Variants in SLC25A30 observed in about 807,000 individuals in gnomAD.
SLC25A30 encodes solute carrier family 25 member 30, also known as kidney mitochondrial carrier protein 1.
SLC25A30 carries 29 observed loss-of-function variants against 42.7 expected under a neutral mutation model. That is an observed-to-expected ratio of 0.68 (90% CI 0.51 to 0.93). The LOEUF (loss-of-function observed/expected upper bound fraction) is 0.93. SLC25A30 is among the 40% of genes least tolerant of loss of function. SLC25A30 has a pLI of 0.00. For missense variants in SLC25A30, 300 were observed against 359.7 expected, an observed-to-expected ratio of 0.83 and a Z score of 1.34; for synonymous variants, 124 against 131.0, an observed-to-expected ratio of 0.95 and a Z score of 0.37.
intron 4 of SLC25A30, among the ~76,000 whole-genome samples, chr13:45,405,047 C>G (rs1882371305): frequency 6.6e-6 from 1 of 152,106 alleles, no homozygotes; most frequent in Admixed American, 6.5e-5. Context: ...CTCAGCCTCC[C>G]CAGTAGCTGG....
At chr13:45,401,336 G>T in intron 6 of SLC25A30, 129 bp from the exon 7 acceptor site, 1 of 910,950 alleles carries the variant, frequency 1.1e-6, no homozygotes, top group Non-Finnish European at 1.6e-6. Flanking sequence ...AGGCAGAAAT[G>T]TAGAGTGACA....
At chr13:45,429,529 T>G in the SLC25A30 span, among the ~76,000 whole-genome samples, 1 of 152,002 alleles carries the variant, frequency 6.6e-6, no homozygotes, top group Admixed American at 6.6e-5. Flanking sequence ...AAGATGACAC[T>G]GAAAAGAATT....
chr13:45,417,336 G>A (rs1263201294), intron 1 of SLC25A30, among the ~76,000 whole-genome samples: 1 of 152,122 alleles, frequency 6.6e-6, no homozygotes, highest in African/African-American at 2.4e-5. Flanking sequence ...TTCTTGGTAA[G>A]TTCTTTCAGT....
At chr13:45,414,605 G>A (rs1215216037) in intron 1 of SLC25A30, among the ~76,000 whole-genome samples, 3 of 148,594 alleles carry the variant, frequency 2.0e-5, no homozygotes, top group East Asian at 4.0e-4. Context: ...CAACAAAAGC[G>A]AAACTTTGTC....
At chr13:45,409,254 A>AG (rs1348731572) in intron 2 of SLC25A30, among the ~76,000 whole-genome samples, 180 bp from the exon 3 acceptor site, 1 of 152,172 alleles carries the variant, frequency 6.6e-6, no homozygotes, top group African/African-American at 2.4e-5. Context: ...GATTAATAAA[A>AG]CCCAAAAAAT....
chr13:45,431,787 C>T, the SLC25A30 span, among the ~76,000 whole-genome samples: 1 of 152,280 alleles, frequency 6.6e-6, no homozygotes, highest in South Asian at 2.1e-4. Context: ...CTAGGCAACT[C>T]AAACTTAGTA....
At chr13:45,425,190 A>G in the SLC25A30 span, among the ~76,000 whole-genome samples, 1 of 101,612 alleles carries the variant, frequency 9.8e-6, no homozygotes, top group Non-Finnish European at 1.7e-5. Flanking sequence ...ATATATACAT[A>G]TATAAATATA....
At chr13:45,428,133 T>C in the SLC25A30 span, among the ~76,000 whole-genome samples, 2 of 152,190 alleles carry the variant, frequency 1.3e-5, no homozygotes, top group Non-Finnish European at 2.9e-5. Flanking sequence ...AATTGAGTTT[T>C]GCTACCTTCA....
intron 6 of SLC25A30, 41 bp from the exon 7 acceptor site, chr13:45,401,248 C>T (rs371380180): frequency 1.2e-6 from 2 of 1,603,016 alleles, no homozygotes; most frequent in Non-Finnish European, 1.7e-6. Flanking sequence ...TCTGATATGC[C>T]TCTGTAGAAC....
At chr13:45,400,147 G>A (rs1007801627) in intron 7 of SLC25A30, among the ~76,000 whole-genome samples, 7 of 151,520 alleles carry the variant, frequency 4.6e-5, no homozygotes, top group African/African-American at 9.7e-5. Flanking sequence ...AGGCCAGGCC[G>A]GCAATGGCTG....
the SLC25A30 span, among the ~76,000 whole-genome samples, chr13:45,426,506 T>A: frequency 0.017 from 2,590 of 152,292 alleles, 37 homozygotes; most frequent in Admixed American, 0.026. Flanking sequence ...TTACAAAAAA[T>A]GTTTGCTGAT....
At chr13:45,430,253 C>T in the SLC25A30 span, among the ~76,000 whole-genome samples, 11 of 151,452 alleles carry the variant, frequency 7.3e-5, no homozygotes, top group Non-Finnish European at 4.4e-5. Context: ...ACTGTGTTTG[C>T]GTGAATATGT....
At chr13:45,424,797 T>C in the SLC25A30 span, among the ~76,000 whole-genome samples, 1 of 56,778 alleles carries the variant, frequency 1.8e-5, no homozygotes, top group African/African-American at 6.7e-5. Flanking sequence ...TAAAAGAATA[T>C]AAATATATAA....
the SLC25A30 span, among the ~76,000 whole-genome samples, chr13:45,426,364 C>A: frequency 6.6e-6 from 1 of 152,192 alleles, no homozygotes; most frequent in Non-Finnish European, 1.5e-5. Context: ...GGATTACAGG[C>A]ATGAGCCACC....
At position 45,403,251 on chromosome 13, in the gene SLC25A30, A is replaced by G. The variant is rs146336379; in HGVS notation, c.394-881T>C. 5.7e-3 allele frequency among the ~76,000 whole-genome samples: 864 copies of G among 152,322 alleles called. 1 individual carries two copies. Among genetic ancestry groups the G allele is most frequent in the Non-Finnish European group, 9.5e-3 (648 of 68,028 alleles). ...CCACGAGGTCCCTTTGCTACAATGC[A>G]TATATAACTGTAGTGTACCCAGAAT... On this transcript the variant is annotated intron_variant, in intron 5 of 9. Transcript: ENST00000519676.
Position 45,409,871 on chromosome 13 carries a change from T to C in SLC25A30, c.65-797A>G, listed in dbSNP as rs1412521853. ...TATGTTAAATACTGTACCTAACAAATAGTCCACCCAAATATATAAAACCCA... is the reference window on the plus strand; with the variant it reads ...TATGTTAAATACTGTACCTAACAAACAGTCCACCCAAATATATAAAACCCA... On this transcript the variant is annotated intron_variant, in intron 2 of 9. Transcript: ENST00000519676. 4.6e-5 allele frequency among the ~76,000 whole-genome samples: 7 copies of C among 152,264 alleles called. No individual in the cohort carries two copies. The East Asian group carries it at 9.6e-4, about 21-fold the overall frequency.
chr13:45,398,233 A>G (rs2137625407), intron 8 of SLC25A30: 1 of 162,460 alleles, frequency 6.2e-6, no homozygotes, highest in South Asian at 2.0e-4. Flanking sequence ...ACATGTTCTC[A>G]TTTTTAAGTG....
At chr13:45,417,831 T>G (rs754993658) in intron 1 of SLC25A30, among the ~76,000 whole-genome samples, 3 of 152,250 alleles carry the variant, frequency 2.0e-5, no homozygotes, top group Non-Finnish European at 4.4e-5. Context: ...CCTCCCAGCC[T>G]GTGTGCCACG....
chr13:45,424,971 T>C, the SLC25A30 span, among the ~76,000 whole-genome samples: 2 of 63,534 alleles, frequency 3.1e-5, no homozygotes, highest in African/African-American at 1.3e-4. Flanking sequence ...TATAAATATA[T>C]ATAAGTATAT....
Sources: allele counts gnomAD v4.1 joint callset (sites outside exome capture counted in the v4.1 genomes callset), GRCh38; gene constraint gnomAD v4.1.1; transcripts MANE v1.5; gene names NCBI Gene and HGNC (gene_info 2026-07-23, HGNC 2026-07-21).